Variants in ITGAV observed in about 807,000 individuals in gnomAD.
The protein encoded by ITGAV is integrin alpha-V.
ITGAV carries 76 observed loss-of-function variants against 143.8 expected under a neutral mutation model. That is an observed-to-expected ratio of 0.53 (90% confidence interval 0.44 to 0.64). ITGAV has a LOEUF of 0.64. Ranked by LOEUF, ITGAV falls within the 30% of genes least tolerant of loss-of-function variation. ITGAV has a pLI of 0.00. For missense variants in ITGAV, 1,193 were observed against 1,274.7 expected (o/e 0.94, Z 0.98); for synonymous variants, 453 against 446.7 (o/e 1.01, Z -0.18).
At chr2:186,675,781 T>C (rs752050136) in intron 27 of ITGAV, 39 bp from the exon 28 acceptor site, 1 of 1,545,690 alleles carries the variant, frequency 6.5e-7, no homozygotes, top group South Asian at 1.1e-5. Context: ...ATAAAAGGCC[T>C]GATATCTGGG....
At chr2:186,657,856 T>TA (rs1413948744) in intron 17 of ITGAV, among the ~76,000 whole-genome samples, 1 of 152,154 alleles carries the variant, frequency 6.6e-6, no homozygotes, top group Non-Finnish European at 1.5e-5. Flanking sequence ...AATTGGCCAT[T>TA]AATCTTTACA....
rs200860444 is a variant in ITGAV, at chr2:186,646,712, G to C, written c.1186G>C (p.Gly396Arg). ...NDIAIAAPYG[G>R]EDKKGIVYIF... ...TATTGCAATTGCTGCTCCATATGGG[G>C]GTGAAGATAAAAAAGGAATTGTTTA... The change falls in exon 13 of 30, where the codon GGT becomes CGT. Residue 396 changes from glycine to arginine, a missense_variant. Transcript: ENST00000261023. The C allele has an allele frequency of 1.9e-6, 3 of 1,600,360 alleles. No individual in the cohort carries two copies. Among genetic ancestry groups the C allele is most frequent in the Non-Finnish European group, 2.6e-6 (3 of 1,170,920 alleles).
At chr2:186,595,688 TAAA>T in intron 1 of ITGAV, among the ~76,000 whole-genome samples, 1 of 150,090 alleles carries the variant, frequency 6.7e-6, no homozygotes, top group East Asian at 1.9e-4. Context: ...TTCCAGTCAT[TAAA>T]AAAAAAAATG....
rs1482391677 is a variant in ITGAV at position 186,653,006 on chromosome 2, C to T, written c.1505+917C>T. On this transcript the variant is annotated intron_variant, in intron 15 of 29. Transcript: ENST00000261023. ...CAGGCCGGACTGCAGACTGCAGTGG[C>T]GCAATCTCGGCTCACTGCAAGCTCC... Among the ~76,000 whole-genome samples the T allele has an allele frequency of 2.9e-5, 4 of 140,160 alleles. No individual in the cohort carries two copies. In the East Asian group the frequency reaches 8.5e-4, roughly 30 times the overall value. 92.0% of individuals were successfully genotyped at this position (140,160 alleles called of 152,430 possible). A position where few individuals can be genotyped will look rare whatever the true frequency, so the allele number is the denominator to read the frequency against.
In ITGAV at chr2:186,590,246, G is replaced by A; in HGVS notation, c.-93G>A. The A allele has an allele frequency of 1.8e-6, 2 of 1,133,618 alleles. No homozygotes were observed. The highest frequency in any genetic ancestry group is 2.3e-6 in the Non-Finnish European group (2 of 865,786). The allele number at this position is 1,133,618 out of a possible 1,614,324, so 70.2% of individuals were successfully genotyped here. A position where few individuals can be genotyped will look rare whatever the true frequency, so the allele number is the denominator to read the frequency against. On this transcript the variant is annotated 5_prime_UTR_variant, in exon 1 of 30. Transcript: ENST00000261023. Reference sequence around the variant, plus strand: ...GAGAGCGGCCGGCAAGTTTGGGCGCGCGCAGGCGGCGGGCCGCGGGCACTG... The same window carrying A: ...GAGAGCGGCCGGCAAGTTTGGGCGCACGCAGGCGGCGGGCCGCGGGCACTG...
rs200143155 is a variant in ITGAV at position 186,625,573 on chromosome 2, C to T, written c.509C>T (p.Ala170Val). 1 of 1,610,294 alleles carries T rather than the reference C, an allele frequency of 6.2e-7. No homozygotes were observed. Among genetic ancestry groups the T allele is most frequent in the Non-Finnish European group, 8.5e-7 (1 of 1,177,174 alleles). ...LQDGTKTVEY[A>V]PCRSQDIDAD... ...GATGGAACAAAGACTGTTGAGTATG[C>T]TCCATGTAGATCACGTATGTATAGG... The change falls in exon 4 of 30, where the codon GCT becomes GTT. Residue 170 changes from alanine to valine, a missense_variant. By Grantham distance (64) the Ala-to-Val change is moderately conservative. Transcript: ENST00000261023.
At chr2:186,662,043 C>G (rs942820031) in intron 18 of ITGAV, among the ~76,000 whole-genome samples, 1 of 152,110 alleles carries the variant, frequency 6.6e-6, no homozygotes, top group Non-Finnish European at 1.5e-5. Context: ...GCTTCAATGC[C>G]AGCTAAGTCC....
chr2:186,660,265 A>C (rs930328623), intron 18 of ITGAV, among the ~76,000 whole-genome samples: 1 of 152,220 alleles, frequency 6.6e-6, no homozygotes, highest in Non-Finnish European at 1.5e-5. Context: ...AAAACCAGCT[A>C]ATCAAGTAGG....
At chr2:186,633,491 A>G (rs1170505454) in intron 6 of ITGAV, 117 bp downstream of exon 6, 1 of 493,314 alleles carries the variant, frequency 2.0e-6, no homozygotes, top group Non-Finnish European at 3.7e-6. Context: ...AAATACAATT[A>G]AAGTATATAA....
intron 26 of ITGAV, among the ~76,000 whole-genome samples, chr2:186,673,736 C>T (rs1288335283): frequency 2.0e-5 from 3 of 151,748 alleles, no homozygotes; most frequent in Admixed American, 6.6e-5. Context: ...GGTGTGATCT[C>T]GACTCATTGC....
rs200451605 is a variant in ITGAV at position 186,676,944 on chromosome 2, C to T, written c.3051+9C>T. 24 of 1,607,776 alleles carry T rather than the reference C, an allele frequency of 1.5e-5. No homozygotes were observed. The highest frequency in any genetic ancestry group is 1.6e-4 in the Middle Eastern group (1 of 6,068). On this transcript the variant is annotated intron_variant, in intron 29 of 29. Transcript: ENST00000261023. ...TATTTGTAATGTACAGGGTAAGTAA[C>T]GGACTTAGAAAGAAGGAGAGAGGGA...
intron 7 of ITGAV, 28 bp from the exon 8 acceptor site, chr2:186,637,037 T>G: frequency 6.2e-7 from 1 of 1,604,608 alleles, no homozygotes; most frequent in South Asian, 1.1e-5. Context: ...CTTGTCCTGA[T>G]GGTTCTCCCC....
rs1370316720 is a variant in ITGAV, at chr2:186,678,072, A to C, written c.*780A>C. The C allele has an allele frequency of 6.6e-6, 1 of 152,078 alleles. No homozygotes were observed. Among genetic ancestry groups the C allele is most frequent in the Non-Finnish European group, 1.5e-5 (1 of 67,966 alleles). 9.4% of individuals were successfully genotyped at this position (152,078 alleles called of 1,614,324 possible). A position where few individuals can be genotyped will look rare whatever the true frequency, so the allele number is the denominator to read the frequency against. Reference sequence around the variant, plus strand: ...TGTTTAATTTCACCTGAATATCATAATGCTTAAAGCCATATGGAGTTGGAA... The same window carrying C: ...TGTTTAATTTCACCTGAATATCATACTGCTTAAAGCCATATGGAGTTGGAA... On this transcript the variant is annotated 3_prime_UTR_variant, in exon 30 of 30. Coordinates refer to ENST00000261023, the MANE Select transcript of ITGAV (RefSeq NM_002210.5).
intron 2 of ITGAV, among the ~76,000 whole-genome samples, chr2:186,621,682 G>A (rs534677362): frequency 5.9e-5 from 9 of 152,172 alleles, no homozygotes; most frequent in African/African-American, 1.7e-4. Flanking sequence ...CAGGTGTCCT[G>A]TAGGCAAGTA....
In ITGAV at chr2:186,678,879, A is replaced by T. The variant is rs966751295; in HGVS notation, c.*1587A>T. On this transcript the variant is annotated 3_prime_UTR_variant, in exon 30 of 30. Coordinates refer to ENST00000261023, the MANE Select transcript of ITGAV (RefSeq NM_002210.5). Reference sequence around the variant, plus strand: ...AAATGATTGAAATTTATCTTGCCATATCTCATAATTTCATGCACAAGTTGA... The same window carrying T: ...AAATGATTGAAATTTATCTTGCCATTTCTCATAATTTCATGCACAAGTTGA... 5 of 386,984 alleles carry T rather than the reference A, an allele frequency of 1.3e-5. No homozygotes were observed. Among genetic ancestry groups the T allele is most frequent in the African/African-American group, 8.4e-5 (4 of 47,386 alleles). The allele number at this position is 386,984 out of a possible 1,614,324, so 24.0% of individuals were successfully genotyped here.
chr2:186,590,590 T>C, intron 1 of ITGAV, 67 bp downstream of exon 1: 1 of 1,418,832 alleles, frequency 7.0e-7, no homozygotes. Flanking sequence ...CCAGCGTTTC[T>C]CCATTGGGAT....
chr2:186,637,142 A>G (rs772964209), intron 8 of ITGAV, 33 bp downstream of exon 8: 1 of 1,536,440 alleles, frequency 6.5e-7, no homozygotes, highest in African/African-American at 1.4e-5. Flanking sequence ...CTAATCTTTA[A>G]AAAAATTAGA....
At chr2:186,658,613 C>G (rs949866084) in intron 17 of ITGAV, among the ~76,000 whole-genome samples, 1 of 152,020 alleles carries the variant, frequency 6.6e-6, no homozygotes, top group Admixed American at 6.6e-5. Context: ...AGGCTACATG[C>G]AATAGAATGG....
At chr2:186,592,034 C>T (rs1441167756) in intron 1 of ITGAV, among the ~76,000 whole-genome samples, 1 of 152,090 alleles carries the variant, frequency 6.6e-6, no homozygotes, top group Admixed American at 6.5e-5. Context: ...AAGTGTATAC[C>T]TTCATGAGAC....
Sources: allele counts gnomAD v4.1 joint callset (sites outside exome capture counted in the v4.1 genomes callset), GRCh38; gene constraint gnomAD v4.1.1; transcripts MANE v1.5; gene names NCBI Gene and HGNC (gene_info 2026-07-23, HGNC 2026-07-21).